Variants in NCOA2 observed in about 807,000 individuals in gnomAD.
NCOA2 encodes the protein nuclear receptor coactivator 2.
Under a neutral mutation model 145.1 loss-of-function variants are expected in NCOA2, and 21 were observed. The observed-to-expected ratio is 0.14, with a 90% CI of 0.10 to 0.21. The LOEUF (loss-of-function observed/expected upper bound fraction) is 0.21, where lower values mean the gene tolerates loss of function less well. NCOA2 is among the 10% of genes least tolerant of loss of function. The probability of loss-of-function intolerance (pLI) is 1.00; values close to 1 mark genes in which losing one functional copy is unlikely to be tolerated. For missense variants in NCOA2, 1,472 were observed against 1,837.6 expected (o/e 0.80, Z 3.64); for synonymous variants, 619 against 637.5 (o/e 0.97, Z 0.44).
intron 2 of NCOA2, among the ~76,000 whole-genome samples, chr8:70,229,227 T>C (rs1262977073): frequency 4.6e-5 from 7 of 152,226 alleles, no homozygotes; most frequent in Admixed American, 3.3e-4. Flanking sequence ...AAGGGCAAAA[T>C]GCTTTGCTCT....
intron 2 of NCOA2, among the ~76,000 whole-genome samples, chr8:70,241,031 A>G (rs973851516): frequency 1.9e-4 from 29 of 152,140 alleles, no homozygotes; most frequent in African/African-American, 6.0e-4. Context: ...TGCTTCTAAC[A>G]TGTAGTTACT....
chr8:70,412,924 C>G, the NCOA2 span, among the ~76,000 whole-genome samples: 1 of 151,662 alleles, frequency 6.6e-6, no homozygotes, highest in East Asian at 1.9e-4. Flanking sequence ...ATGGCGAAAC[C>G]CTGTCTCTAC....
intron 1 of NCOA2, among the ~76,000 whole-genome samples, chr8:70,377,784 C>T (rs1811812480): frequency 6.6e-6 from 1 of 152,078 alleles, no homozygotes; most frequent in Admixed American, 6.6e-5. Flanking sequence ...TGTGACAGTT[C>T]TTGCACAAAA....
At chr8:70,327,420 C>T (rs1043460302) in intron 1 of NCOA2, among the ~76,000 whole-genome samples, 17 of 152,080 alleles carry the variant, frequency 1.1e-4, no homozygotes, top group African/African-American at 3.4e-4. Flanking sequence ...AAATATTGTC[C>T]AAAGGATACC....
intron 10 of NCOA2, among the ~76,000 whole-genome samples, 174 bp downstream of exon 10, chr8:70,159,331 T>C (rs935933846): frequency 1.4e-5 from 2 of 148,012 alleles, no homozygotes; most frequent in East Asian, 3.9e-4. Flanking sequence ...CCAATTATAT[T>C]ATGAATTGTC....
chr8:70,438,085 A>G, the NCOA2 span, among the ~76,000 whole-genome samples: 1 of 152,094 alleles, frequency 6.6e-6, no homozygotes, highest in Non-Finnish European at 1.5e-5. Flanking sequence ...TCAGAGTTAC[A>G]TACTCCTTCA....
At chr8:70,407,515 G>A (rs1418849601), upstream of NCOA2, among the ~76,000 whole-genome samples, 5 of 152,090 alleles carry the variant, frequency 3.3e-5, no homozygotes, top group Admixed American at 1.3e-4. Flanking sequence ...TTGGCTGGGC[G>A]CAGTGGCTCA....
intron 1 of NCOA2, among the ~76,000 whole-genome samples, chr8:70,314,635 AT>A (rs924483953): frequency 3.3e-5 from 5 of 152,220 alleles, no homozygotes; most frequent in African/African-American, 1.2e-4. Flanking sequence ...AGCAGCATTC[AT>A]TTCCTAAATG....
intron 1 of NCOA2, among the ~76,000 whole-genome samples, chr8:70,342,144 C>A (rs1027000383): frequency 6.6e-6 from 1 of 152,174 alleles, no homozygotes; most frequent in African/African-American, 2.4e-5. Context: ...TTCAGCCAAC[C>A]AACCACTTCT....
chr8:70,283,549 T>C (rs1035586891), intron 2 of NCOA2, among the ~76,000 whole-genome samples: 1 of 152,218 alleles, frequency 6.6e-6, no homozygotes. Flanking sequence ...TTTTCTGATG[T>C]AAGACACAAA....
chr8:70,365,784 C>T (rs1452191791), intron 1 of NCOA2, among the ~76,000 whole-genome samples: 1 of 151,906 alleles, frequency 6.6e-6, no homozygotes, highest in African/African-American at 2.4e-5. Flanking sequence ...TTCTCCTTCA[C>T]AATGAAAAGG....
chr8:70,113,680 T>A (rs1416377440), intron 22 of NCOA2, 37 bp from the exon 23 acceptor site: 4 of 1,548,142 alleles, frequency 2.6e-6, no homozygotes. Context: ...GAAACATCTT[T>A]GAGGTTTTGA....
intron 2 of NCOA2, among the ~76,000 whole-genome samples, chr8:70,220,388 G>A (rs1820034591): frequency 6.6e-6 from 1 of 152,106 alleles, no homozygotes; most frequent in Non-Finnish European, 1.5e-5. Flanking sequence ...ACCAGATGTT[G>A]GGGGTTGTGA....
At chr8:70,263,003 C>T (rs1824264854) in intron 2 of NCOA2, among the ~76,000 whole-genome samples, 1 of 151,608 alleles carries the variant, frequency 6.6e-6, no homozygotes, top group Non-Finnish European at 1.5e-5. Context: ...CAGATTTTGG[C>T]AACCTCAGCC....
intron 4 of NCOA2, among the ~76,000 whole-genome samples, chr8:70,186,581 A>C (rs536870259): frequency 3.9e-5 from 6 of 152,368 alleles, no homozygotes; most frequent in African/African-American, 1.2e-4. Flanking sequence ...TCTGCGAAGT[A>C]AAGTCTGGTA....
intron 1 of NCOA2, among the ~76,000 whole-genome samples, chr8:70,384,983 G>C (rs1812528371): frequency 6.6e-6 from 1 of 152,192 alleles, no homozygotes; most frequent in Admixed American, 6.5e-5. Flanking sequence ...ACTCTAAACA[G>C]TGAATAATTA....
At position 70,308,215 on chromosome 8, in the gene NCOA2, T is replaced by C. The variant is rs192549197; in HGVS notation, c.-76-11415A>G. Among the ~76,000 whole-genome samples, 132 of 152,358 alleles carry C rather than the reference T, an allele frequency of 8.7e-4. 1 individual carries two copies. Among genetic ancestry groups the C allele is most frequent in the African/African-American group, 3.1e-3 (128 of 41,592 alleles). On this transcript the variant is annotated intron_variant, in intron 1 of 22. Coordinates refer to ENST00000452400, the MANE Select transcript of NCOA2 (RefSeq NM_006540.4). The stretch of plus-strand genomic sequence containing the variant: ...AAATGTGAAGAATCTGACTTTATTA[T>C]AGATTATGAGCTTACTGTTTCATGG...
At position 70,228,669 on chromosome 8, in the gene NCOA2, T is replaced by C. The variant is rs189636285; in HGVS notation, c.-19-11905A>G. On this transcript the variant is annotated intron_variant, in intron 2 of 22. Coordinates refer to ENST00000452400, the MANE Select transcript of NCOA2 (RefSeq NM_006540.4). ...TTTCCACTGAGAGAATAAAGAACAA[T>C]TGTTTATAAAAGCTACACCTATGGA... Among the ~76,000 whole-genome samples the C allele has an allele frequency of 1.8e-4, 28 of 152,344 alleles. 1 individual carries two copies. The highest frequency in any genetic ancestry group is 1.2e-3 in the Admixed American group (19 of 15,300).
rs144698308 is a variant in NCOA2 at position 70,171,845 on chromosome 8, A to T, written c.364-1466T>A. ...ACCCAGATATTTTTTATTTTTTGAG[A>T]CACAGTCTCACTCTGTTGCATAGGC... On this transcript the variant is annotated intron_variant, in intron 5 of 22. Transcript: ENST00000452400. Among the ~76,000 whole-genome samples, 5 of 151,368 alleles carry T rather than the reference A, an allele frequency of 3.3e-5. No individual in the cohort carries two copies. The East Asian group carries it at 9.7e-4, about 29-fold the overall frequency.
Sources: allele counts gnomAD v4.1 joint callset (sites outside exome capture counted in the v4.1 genomes callset), GRCh38; gene constraint gnomAD v4.1.1; transcripts MANE v1.5; gene names NCBI Gene and HGNC (gene_info 2026-07-23, HGNC 2026-07-21).